Variants in CAMK4 observed in about 807,000 individuals in gnomAD.
CAMK4 encodes calcium/calmodulin-dependent protein kinase type IV.
Under a neutral mutation model 44.9 loss-of-function variants are expected in CAMK4, and 22 were observed. That is an observed-to-expected ratio of 0.49 (90% CI 0.35 to 0.70). The LOEUF is 0.70. CAMK4 is among the 30% of genes least tolerant of loss of function. The pLI is 0.01. For synonymous variants in CAMK4, 218 were observed against 215.4 expected, an observed-to-expected ratio of 1.01 and a Z score of -0.11; for missense variants, 498 against 586.8, an observed-to-expected ratio of 0.85 and a Z score of 1.56.
At chr5:111,246,369 G>A (rs891815666) in intron 1 of CAMK4, among the ~76,000 whole-genome samples, 10 of 152,082 alleles carry the variant, frequency 6.6e-5, no homozygotes, top group Non-Finnish European at 1.0e-4. Flanking sequence ...ATGCTTTAAT[G>A]TACAAATGTA....
intron 5 of CAMK4, among the ~76,000 whole-genome samples, chr5:111,421,234 T>G (rs307532): frequency 0.73 from 111,471 of 152,116 alleles, 41,015 homozygotes; most frequent in Middle Eastern, 0.78. Flanking sequence ...ACAAACCCTA[T>G]GTCATAGCCT....
chr5:111,462,856 C>G (rs928694297), intron 7 of CAMK4, among the ~76,000 whole-genome samples: 1 of 152,190 alleles, frequency 6.6e-6, no homozygotes, highest in African/African-American at 2.4e-5. Flanking sequence ...ATCCCAATCT[C>G]TAGAGGGATA....
intron 5 of CAMK4, among the ~76,000 whole-genome samples, chr5:111,432,212 T>C (rs1349273323): frequency 6.6e-6 from 1 of 152,146 alleles, no homozygotes; most frequent in Non-Finnish European, 1.5e-5. Context: ...ACAAGATGGA[T>C]AGAACTGGAG....
intron 1 of CAMK4, among the ~76,000 whole-genome samples, chr5:111,278,498 A>G (rs1253483238): frequency 6.6e-6 from 1 of 152,248 alleles, no homozygotes; most frequent in Non-Finnish European, 1.5e-5. Context: ...ACATTATATT[A>G]TAAACAAAGA....
At chr5:111,382,119 T>C (rs1701334583) in intron 4 of CAMK4, among the ~76,000 whole-genome samples, 1 of 152,176 alleles carries the variant, frequency 6.6e-6, no homozygotes, top group Non-Finnish European at 1.5e-5. Flanking sequence ...TGCAAACCTA[T>C]GTATCTATAT....
intron 1 of CAMK4, among the ~76,000 whole-genome samples, chr5:111,329,575 A>T (rs1000507945): frequency 6.6e-6 from 1 of 151,854 alleles, no homozygotes; most frequent in African/African-American, 2.4e-5. Context: ...GCATAGGTAT[A>T]AAAGTCCTTT....
At chr5:111,351,681 G>A (rs1402578677) in intron 2 of CAMK4, among the ~76,000 whole-genome samples, 1 of 151,166 alleles carries the variant, frequency 6.6e-6, no homozygotes, top group Non-Finnish European at 1.5e-5. Context: ...CAAAGTGCTG[G>A]GATTATAGGC....
chr5:111,249,124 T>C (rs1004268793), intron 1 of CAMK4, among the ~76,000 whole-genome samples: 29 of 152,228 alleles, frequency 1.9e-4, no homozygotes, highest in Non-Finnish European at 5.9e-5. Context: ...AACCAGATTA[T>C]TTAAAAACCA....
intron 6 of CAMK4, 43 bp downstream of exon 6, chr5:111,446,819 C>G (rs1754046627): frequency 8.1e-7 from 1 of 1,231,836 alleles, no homozygotes; most frequent in Admixed American, 1.7e-5. Flanking sequence ...TTTTTCAGAG[C>G]AGAAAAAATT....
rs1262293667 is a variant in CAMK4 at position 111,339,042 on chromosome 5, G to A, written c.162-4982G>A. ...GTGTTGACTCTATAGATTGCTTTAA[G>A]CCATATGCTTTGCCCATGTTTTAAT... On this transcript the variant is annotated intron_variant, in intron 1 of 10. Transcript: ENST00000282356. Among the ~76,000 whole-genome samples, 3 of 151,056 alleles carry A rather than the reference G, an allele frequency of 2.0e-5. No homozygotes were observed. The Admixed American group carries it at 2.0e-4, about 10-fold the overall frequency.
At chr5:111,234,808 A>G (rs1222227122) in intron 1 of CAMK4, among the ~76,000 whole-genome samples, 1 of 152,220 alleles carries the variant, frequency 6.6e-6, no homozygotes, top group African/African-American at 2.4e-5. Flanking sequence ...TAGTCTCTGA[A>G]AAAAGATAAT....
intron 8 of CAMK4, among the ~76,000 whole-genome samples, chr5:111,474,419 T>C (rs1326468841): frequency 6.6e-6 from 1 of 152,120 alleles, no homozygotes; most frequent in Middle Eastern, 3.2e-3. Flanking sequence ...CCTCACATGA[T>C]GGGGAGAAGG....
At chr5:111,461,764 G>A (rs917844302) in intron 7 of CAMK4, among the ~76,000 whole-genome samples, 1 of 122,340 alleles carries the variant, frequency 8.2e-6, no homozygotes, top group Non-Finnish European at 1.6e-5. Context: ...AGATACAGTG[G>A]ATTTTTGTGG....
chr5:111,396,797 C>T (rs1390550529), intron 5 of CAMK4, among the ~76,000 whole-genome samples: 6 of 151,804 alleles, frequency 4.0e-5, no homozygotes, highest in South Asian at 2.1e-4. Context: ...TGTGCTACCA[C>T]GCCTGGCTAA....
chr5:111,454,097 T>A (rs1304772444), intron 7 of CAMK4, among the ~76,000 whole-genome samples: 1 of 152,178 alleles, frequency 6.6e-6, no homozygotes, highest in Non-Finnish European at 1.5e-5. Flanking sequence ...ATAATATATA[T>A]AAAGAAAAAT....
At chr5:111,359,928 C>T (rs529697961) in intron 2 of CAMK4, among the ~76,000 whole-genome samples, 1 of 151,962 alleles carries the variant, frequency 6.6e-6, no homozygotes, top group Admixed American at 6.6e-5. Context: ...GTATATGATA[C>T]CTTTTATTGA....
intron 1 of CAMK4, among the ~76,000 whole-genome samples, chr5:111,272,093 CTGTGTGTGTGTGTT>C (rs1471451219): frequency 4.6e-5 from 7 of 151,118 alleles, no homozygotes; most frequent in East Asian, 1.9e-4. Flanking sequence ...AGACAGCCCT[CTGTGTGTGTGTGTT>C]TGTGTGTGTG....
chr5:111,408,112 AAGAAAGAGAGAG>A (rs1752502606), intron 5 of CAMK4, among the ~76,000 whole-genome samples: 1 of 144,052 alleles, frequency 6.9e-6, no homozygotes, highest in African/African-American at 2.9e-5. Context: ...CCATCAAAGA[AAGAAAGAGAGAG>A]AGAGAGAGAG....
At chr5:111,237,545 G>T (rs149163187) in intron 1 of CAMK4, among the ~76,000 whole-genome samples, 1 of 152,244 alleles carries the variant, frequency 6.6e-6, no homozygotes, top group African/African-American at 2.4e-5. Context: ...TGTACCTATT[G>T]TTACATTCAC....
Sources: allele counts gnomAD v4.1 joint callset (sites outside exome capture counted in the v4.1 genomes callset), GRCh38; gene constraint gnomAD v4.1.1; transcripts MANE v1.5; gene names NCBI Gene and HGNC (gene_info 2026-07-23, HGNC 2026-07-21).